The following TRPM3 variants were observed in gnomAD, a reference collection of about 807,000 sequenced individuals.
TRPM3 encodes long transient receptor potential channel 3.
In TRPM3, 77 loss-of-function variants were observed where a neutral mutation model predicts 181.2. The observed-to-expected ratio is 0.42, with a 90% CI of 0.35 to 0.51. The LOEUF (loss-of-function observed/expected upper bound fraction) is 0.51, where lower values mean the gene tolerates loss of function less well. TRPM3 is among the 20% of genes least tolerant of loss of function. The pLI is 0.01. For missense variants in TRPM3, 1,759 were observed against 2,196.7 expected, an observed-to-expected ratio of 0.80 and a Z score of 3.98; for synonymous variants, 745 against 796.4, an observed-to-expected ratio of 0.94 and a Z score of 1.09.
At chr9:71,228,576 T>G (rs575245077) in intron 1 of TRPM3, among the ~76,000 whole-genome samples, 55 of 152,110 alleles carry the variant, frequency 3.6e-4, no homozygotes, top group African/African-American at 1.3e-3. Context: ...TTGGAAAAAC[T>G]TAAAGACTTC....
intron 1 of TRPM3, among the ~76,000 whole-genome samples, chr9:70,912,750 G>C (rs913440459): frequency 6.6e-6 from 1 of 152,072 alleles, no homozygotes; most frequent in Non-Finnish European, 1.5e-5. Context: ...AAATATATTG[G>C]AAACCAACAC....
At chr9:70,678,492 A>C (rs2064612289) in intron 9 of TRPM3, among the ~76,000 whole-genome samples, 1 of 152,170 alleles carries the variant, frequency 6.6e-6, no homozygotes, top group Non-Finnish European at 1.5e-5. Context: ...AGTATCCTCT[A>C]ATACAGAATA....
intron 1 of TRPM3, among the ~76,000 whole-genome samples, chr9:71,073,494 T>A (rs958896260): frequency 6.6e-6 from 1 of 152,204 alleles, no homozygotes; most frequent in South Asian, 2.1e-4. Context: ...CAGTGATTAG[T>A]TCCTGACAAC....
At position 71,069,860 on chromosome 9, in the gene TRPM3, G is replaced by A. The variant is rs1340852794; in HGVS notation, c.177+51318C>T. ...TGACCTCAGGTGCTCCACCCGCCTC[G>A]GCCTCCCAAAGTGCTGGGACTACAG... On this transcript the variant is annotated intron_variant, in intron 1 of 25. Transcript: ENST00000677713. Among the ~76,000 whole-genome samples the A allele has an allele frequency of 1.3e-5, 2 of 151,830 alleles. 1 individual carries two copies. Among genetic ancestry groups the A allele is most frequent in the South Asian group, 4.2e-4 (2 of 4,800 alleles).
chr9:70,535,765 G>A lies in TRPM3; in HGVS notation c.*188C>T, dbSNP rs755942486. 29 of 1,468,832 alleles carry A rather than the reference G, an allele frequency of 2.0e-5. No homozygotes were observed. Among genetic ancestry groups the A allele is most frequent in the Non-Finnish European group, 2.5e-5 (28 of 1,118,928 alleles). 91.0% of individuals were successfully genotyped at this position (1,468,832 alleles called of 1,614,324 possible). ...CCTTAAATCCCCTGTGTCTGGCACT[G>A]GGTCAGATCAAATGCTTTCTTGATC... On this transcript the variant is annotated 3_prime_UTR_variant, in exon 26 of 26. Coordinates refer to ENST00000677713, the MANE Select transcript of TRPM3 (RefSeq NM_001366145.2).
At chr9:71,115,655 C>G (rs1216631030) in intron 1 of TRPM3, among the ~76,000 whole-genome samples, 4 of 152,148 alleles carry the variant, frequency 2.6e-5, no homozygotes, top group Non-Finnish European at 5.9e-5. Context: ...TTGAGACAGA[C>G]CTTGCCAGGG....
chr9:70,676,149 C>G (rs1225758021), intron 9 of TRPM3, among the ~76,000 whole-genome samples: 2 of 152,170 alleles, frequency 1.3e-5, no homozygotes, highest in African/African-American at 4.8e-5. Flanking sequence ...GAAAAGAAAG[C>G]AAGCAATAAA....
chr9:70,749,337 T>C (rs1364872399), intron 8 of TRPM3, among the ~76,000 whole-genome samples: 2 of 152,162 alleles, frequency 1.3e-5, no homozygotes, highest in Non-Finnish European at 2.9e-5. Flanking sequence ...CATGTTACCA[T>C]ACTATAAAGT....
chr9:71,121,666 C>A (rs1369969303), upstream of TRPM3: 2 of 1,115,792 alleles, frequency 1.8e-6, no homozygotes, highest in Non-Finnish European at 2.2e-6. Flanking sequence ...GCAGGTCAGG[C>A]GTTGGGGGGG....
At chr9:71,172,654 C>T (rs563396633) in intron 1 of TRPM3, among the ~76,000 whole-genome samples, 40 of 152,124 alleles carry the variant, frequency 2.6e-4, no homozygotes, top group Non-Finnish European at 4.3e-4. Flanking sequence ...GATCCCCCTG[C>T]CTTGACCTCA....
At chr9:71,249,037 A>G (rs1044444435) in intron 1 of TRPM3, among the ~76,000 whole-genome samples, 2 of 152,238 alleles carry the variant, frequency 1.3e-5, no homozygotes, top group African/African-American at 4.8e-5. Context: ...CATCTGGAAT[A>G]TACTTCCTGA....
chr9:70,754,781 C>T (rs886835972), intron 8 of TRPM3, among the ~76,000 whole-genome samples: 1 of 152,124 alleles, frequency 6.6e-6, no homozygotes, highest in East Asian at 1.9e-4. Flanking sequence ...TTGAAGGATA[C>T]AAGAGAAAAG....
At chr9:71,280,505 C>A (rs1413969986) in intron 1 of TRPM3, among the ~76,000 whole-genome samples, 7 of 151,188 alleles carry the variant, frequency 4.6e-5, no homozygotes, top group Admixed American at 4.6e-4. Context: ...CAGCAAGGGG[C>A]CATCTCAGAA....
intron 1 of TRPM3, among the ~76,000 whole-genome samples, chr9:71,101,615 T>A (rs541071989): frequency 5.6e-4 from 86 of 152,254 alleles, no homozygotes; most frequent in Non-Finnish European, 8.5e-4. Flanking sequence ...ACACAAAAAG[T>A]CTTTCATTGG....
At position 71,225,917 on chromosome 9, in the gene TRPM3, A is replaced by G. The variant is rs541558600; in HGVS notation, c.183+220736T>C. Among the ~76,000 whole-genome samples the G allele has an allele frequency of 7.0e-4, 105 of 150,042 alleles. 3 individuals are homozygous for G. The South Asian group carries it at 0.021, about 29-fold the overall frequency. On this transcript the variant is annotated intron_variant, in intron 1 of 24. Transcript: ENST00000357533. ...GATTATCCACCCGCTTCAGCCTCCCAAAGTGCTGGATTACAGGCATGAGTT... is the reference window on the plus strand; with the variant it reads ...GATTATCCACCCGCTTCAGCCTCCCGAAGTGCTGGATTACAGGCATGAGTT...
intron 9 of TRPM3, among the ~76,000 whole-genome samples, chr9:70,661,550 A>G (rs10118159): frequency 0.31 from 46,348 of 151,886 alleles, 7,442 homozygotes; most frequent in East Asian, 0.46. Context: ...CTAAAGACTC[A>G]TCCAAAAAGC....
intron 1 of TRPM3, among the ~76,000 whole-genome samples, chr9:71,413,017 A>G (rs1405338124): frequency 1.3e-5 from 2 of 152,120 alleles, no homozygotes; most frequent in African/African-American, 4.8e-5. Context: ...CAAACACCGC[A>G]TGTTCTCACT....
chr9:70,638,200 G>A (rs1366763840), intron 11 of TRPM3, among the ~76,000 whole-genome samples: 3 of 152,084 alleles, frequency 2.0e-5, no homozygotes, highest in African/African-American at 7.2e-5. Context: ...GGCAAAACAA[G>A]GTGCCATTTT....
intron 1 of TRPM3, among the ~76,000 whole-genome samples, chr9:71,191,815 C>T (rs979438406): frequency 2.9e-4 from 36 of 125,822 alleles, no homozygotes; most frequent in Non-Finnish European, 1.0e-4. Context: ...ATCACATCGT[C>T]AAGGATCAGA....
Sources: gnomAD v4.1 joint callset for allele counts (sites outside exome capture counted in the v4.1 genomes callset) on GRCh38, gnomAD v4.1.1 for gene constraint, MANE v1.5 for transcripts, NCBI Gene and HGNC (gene_info 2026-07-23, HGNC 2026-07-21) for gene names.